TNIK: variants seen among roughly 807,000 people sequenced by gnomAD.
TNIK encodes TRAF2 and NCK interacting kinase.
TNIK carries 49 observed loss-of-function variants against 191.3 expected under a neutral mutation model. That is an observed-to-expected ratio of 0.26 (90% CI 0.20 to 0.32). The LOEUF is 0.32. Ranked by LOEUF, TNIK falls within the 10% of genes least tolerant of loss-of-function variation. The pLI is 1.00. For missense variants in TNIK, 1,155 were observed against 1,702.3 expected (o/e 0.68, Z 5.66); for synonymous variants, 594 against 600.9 (o/e 0.99, Z 0.17).
intron 4 of TNIK, among the ~76,000 whole-genome samples, chr3:171,200,323 T>C (rs1286884988): frequency 6.6e-6 from 1 of 151,950 alleles, no homozygotes; most frequent in African/African-American, 2.4e-5. Context: ...CTGGAGGAGG[T>C]GTCCAAAAAA....
intron 7 of TNIK, among the ~76,000 whole-genome samples, chr3:171,178,812 G>A (rs1187982115): frequency 1.3e-5 from 2 of 152,146 alleles, no homozygotes; most frequent in African/African-American, 4.8e-5. Context: ...AGTGATCAAA[G>A]GTAAGTTTCC....
chr3:171,200,351 C>A (rs1386583585), intron 4 of TNIK, among the ~76,000 whole-genome samples: 1 of 152,044 alleles, frequency 6.6e-6, no homozygotes. Flanking sequence ...TGTGGAGCAA[C>A]CAACTTATTA....
rs537722987 is a variant in TNIK at position 171,108,086 on chromosome 3, A to G, written c.2361T>C (p.Ile787=). ...AKVKPEESRD[I]TRPSRPASYK... ...TCACAGCTGGTCGACTGGGCCGGGT[A>G]ATGTCCCTGGATTCTTCTGGTTTCA... Residue 787 remains isoleucine (I), a synonymous_variant, in exon 20 of 33, where the codon ATT becomes ATC. Transcript: ENST00000436636. The G allele has an allele frequency of 5.7e-6, 9 of 1,571,874 alleles. No homozygotes were observed. The East Asian group carries it at 1.4e-4, about 24-fold the overall frequency.
chr3:171,247,455 G>A (rs950129868), intron 2 of TNIK, among the ~76,000 whole-genome samples: 3 of 152,324 alleles, frequency 2.0e-5, no homozygotes, highest in Middle Eastern at 3.4e-3. Flanking sequence ...GGGTAAGAGT[G>A]CCATTCTTTG....
At chr3:171,088,537 G>T (rs532346660) in intron 23 of TNIK, among the ~76,000 whole-genome samples, 2 of 152,098 alleles carry the variant, frequency 1.3e-5, no homozygotes, top group African/African-American at 4.8e-5. Flanking sequence ...CCGGCCAAAG[G>T]TATTTTATAA....
intron 15 of TNIK, among the ~76,000 whole-genome samples, chr3:171,129,586 CAT>C (rs1728971019): frequency 6.6e-6 from 1 of 152,158 alleles, no homozygotes; most frequent in Admixed American, 6.5e-5. Context: ...TGTTTCTACA[CAT>C]GTGGTGTTCA....
At chr3:171,122,329 G>A (rs564949449) in intron 18 of TNIK, among the ~76,000 whole-genome samples, 1 of 152,214 alleles carries the variant, frequency 6.6e-6, no homozygotes, top group African/African-American at 2.4e-5. Flanking sequence ...GAGGGGCACT[G>A]ATAAAGTTCA....
intron 1 of TNIK, among the ~76,000 whole-genome samples, chr3:171,442,006 G>A (rs560400735): frequency 1.6e-4 from 25 of 152,246 alleles, no homozygotes; most frequent in African/African-American, 5.5e-4. Context: ...ATAAAAATGC[G>A]ATACTAAACA....
intron 2 of TNIK, among the ~76,000 whole-genome samples, chr3:171,250,206 C>G (rs1746075042): frequency 1.3e-5 from 2 of 152,318 alleles, no homozygotes; most frequent in Middle Eastern, 3.4e-3. Context: ...TCATCCATAC[C>G]TGGATGGAAG....
At chr3:171,381,863 A>AT (rs1718070096) in intron 1 of TNIK, among the ~76,000 whole-genome samples, 2 of 152,178 alleles carry the variant, frequency 1.3e-5, no homozygotes, top group South Asian at 4.1e-4. Flanking sequence ...CACTACAGCC[A>AT]TTTCTGATCC....
intron 28 of TNIK, among the ~76,000 whole-genome samples, chr3:171,078,484 T>A (rs1720268433): frequency 8.3e-6 from 1 of 120,276 alleles, no homozygotes; most frequent in Non-Finnish European, 1.8e-5. Flanking sequence ...TTGTTCTACC[T>A]TTTTTTTTAA....
intron 2 of TNIK, among the ~76,000 whole-genome samples, chr3:171,350,842 A>G (rs6807012): frequency 4.1e-4 from 63 of 152,176 alleles, no homozygotes; most frequent in African/African-American, 1.3e-3. Flanking sequence ...AGGTCTACCA[A>G]TAAGTGGTAG....
chr3:171,386,392 A>C (rs955382153), intron 1 of TNIK, among the ~76,000 whole-genome samples: 20 of 152,192 alleles, frequency 1.3e-4, no homozygotes, highest in African/African-American at 4.8e-4. Context: ...TAATATGTTA[A>C]ATTAAACATG....
At chr3:171,453,180 A>ATTCTT (rs1728392708) in intron 1 of TNIK, among the ~76,000 whole-genome samples, 2 of 152,190 alleles carry the variant, frequency 1.3e-5, no homozygotes, top group Non-Finnish European at 2.9e-5. Flanking sequence ...GTGTAAAGAA[A>ATTCTT]ACTGGTGAGG....
rs1294461892 is a variant in TNIK, at chr3:171,061,294, T to C, written c.*2587A>G. On this transcript the variant is annotated 3_prime_UTR_variant, in exon 33 of 33. Coordinates refer to ENST00000436636, the MANE Select transcript of TNIK (RefSeq NM_015028.4). ...GGCCCATTTAAATTTGGATTTGCCT[T>C]GTACTCAGTGTAAAATATTAGTACA... 6.6e-6 allele frequency: 1 copy of C among 152,210 alleles called. No homozygotes were observed. The highest frequency in any genetic ancestry group is 1.5e-5 in the Non-Finnish European group (1 of 68,036). The allele number at this position is 152,210 out of a possible 1,614,324, so 9.4% of individuals were successfully genotyped here.
At chr3:171,161,788 CG>C (rs1560200826) in intron 10 of TNIK, among the ~76,000 whole-genome samples, 1 of 151,888 alleles carries the variant, frequency 6.6e-6, no homozygotes, top group African/African-American at 2.4e-5. Flanking sequence ...GGCGTGGTGG[CG>C]GGTGCCTGTA....
chr3:171,246,883 A>T (rs1745652379), intron 2 of TNIK, among the ~76,000 whole-genome samples: 1 of 152,238 alleles, frequency 6.6e-6, no homozygotes, highest in Non-Finnish European at 1.5e-5. Context: ...GACTGGGCTG[A>T]ACAGAAATGG....
intron 1 of TNIK, among the ~76,000 whole-genome samples, chr3:171,427,864 A>C (rs190341023): frequency 6.6e-6 from 1 of 152,238 alleles, no homozygotes; most frequent in Non-Finnish European, 1.5e-5. Context: ...TTAAAAGATG[A>C]CATGTGAACA....
chr3:171,131,337 CAAAAAAAAAAAAAAAAAAAAAAA>C lies in TNIK; in HGVS notation c.1609-2482_1609-2460del, dbSNP rs61728094. Reference sequence around the variant, plus strand: ...TGGGCGACAGAGCGAGACTCCGTCTCAAAAAAAAAAAAAAAAAAAAAAAAAAAAAAAAAAAAAGAAATGAACAG... The same window carrying C: ...TGGGCGACAGAGCGAGACTCCGTCTCAAAAAAAAAAAAAAGAAATGAACAG... On this transcript the variant is annotated intron_variant, in intron 15 of 32. Transcript: ENST00000436636. Among the ~76,000 whole-genome samples, 8 of 23,164 alleles carry C rather than the reference CAAAAAAAAAAAAAAAAAAAAAAA, an allele frequency of 3.5e-4. No homozygotes were observed. The South Asian group carries it at 0.017, about 50-fold the overall frequency. 15.2% of individuals were successfully genotyped at this position (23,164 alleles called of 152,430 possible).
Sources: allele counts gnomAD v4.1 joint callset (sites outside exome capture counted in the v4.1 genomes callset), GRCh38; gene constraint gnomAD v4.1.1; transcripts MANE v1.5; gene names NCBI Gene and HGNC (gene_info 2026-07-23, HGNC 2026-07-21).